Variants in NAV2 observed in about 807,000 individuals in gnomAD.
NAV2 encodes helicase, APC down-regulated 1.
In NAV2, 54 loss-of-function variants were observed where a neutral mutation model predicts 223.2. The ratio of observed to expected loss-of-function variants is 0.24; its 90% confidence interval spans 0.19 to 0.30. The LOEUF is 0.30. Ranked by LOEUF, NAV2 falls within the 10% of genes least tolerant of loss-of-function variation. The probability of loss-of-function intolerance (pLI) is 1.00; values close to 1 mark genes in which losing one functional copy is unlikely to be tolerated. For missense variants in NAV2, 2,806 were observed against 3,147.5 expected, an observed-to-expected ratio of 0.89 and a Z score of 2.60; for synonymous variants, 1,279 against 1,239.3, an observed-to-expected ratio of 1.03 and a Z score of -0.67.
intron 27 of NAV2, among the ~76,000 whole-genome samples, chr11:20,091,232 T>C (rs937199395): frequency 8.5e-5 from 13 of 152,222 alleles, no homozygotes; most frequent in African/African-American, 3.1e-4. Flanking sequence ...CGTAATACTT[T>C]TGGTGACTCC....
intron 3 of NAV2, among the ~76,000 whole-genome samples, chr11:19,863,875 A>G (rs1258580680): frequency 1.3e-5 from 2 of 152,236 alleles, no homozygotes; most frequent in African/African-American, 4.8e-5. Flanking sequence ...CTTGACACCC[A>G]GTAGGTGCTG....
chr11:19,645,939 A>C (rs1188176395), intron 1 of NAV2, among the ~76,000 whole-genome samples: 1 of 152,174 alleles, frequency 6.6e-6, no homozygotes, highest in Non-Finnish European at 1.5e-5. Context: ...ATTCAAAACC[A>C]AGTCTAACTC....
At chr11:20,062,730 T>TGGA (rs1264666371) in intron 20 of NAV2, among the ~76,000 whole-genome samples, 13 of 152,258 alleles carry the variant, frequency 8.5e-5, no homozygotes, top group African/African-American at 3.1e-4. Context: ...AGTCTCCCTC[T>TGGA]GTTGCCCAGG....
intron 1 of NAV2, among the ~76,000 whole-genome samples, chr11:19,733,414 A>G (rs921536740): frequency 5.3e-5 from 8 of 152,344 alleles, no homozygotes; most frequent in African/African-American, 1.9e-4. Context: ...TCTGGAGTCC[A>G]TACCTTACTA....
At chr11:19,834,548 G>A (rs934317057) in intron 2 of NAV2, among the ~76,000 whole-genome samples, 1 of 120,694 alleles carries the variant, frequency 8.3e-6, no homozygotes, top group Non-Finnish European at 1.8e-5. Flanking sequence ...CTCAGAAGAA[G>A]GGGTACCTTT....
intron 2 of NAV2, among the ~76,000 whole-genome samples, chr11:19,834,434 G>A (rs1036188857): frequency 2.6e-5 from 4 of 152,156 alleles, no homozygotes; most frequent in Admixed American, 6.5e-5. Flanking sequence ...AACTTAGTGC[G>A]GGGCCTTGTC....
chr11:19,369,529 T>C (rs1323132646), intron 1 of NAV2, among the ~76,000 whole-genome samples: 3 of 152,294 alleles, frequency 2.0e-5, no homozygotes, highest in South Asian at 4.1e-4. Context: ...GTTTTAATGC[T>C]GTGTGGTTCA....
chr11:19,667,302 A>G (rs2135774874), intron 1 of NAV2, among the ~76,000 whole-genome samples: 1 of 152,356 alleles, frequency 6.6e-6, no homozygotes, highest in African/African-American at 2.4e-5. Flanking sequence ...TTGAAAACTC[A>G]GTAAGGCATG....
chr11:20,000,519 G>C (rs899596806), intron 11 of NAV2, among the ~76,000 whole-genome samples: 1 of 152,144 alleles, frequency 6.6e-6, no homozygotes, highest in African/African-American at 2.4e-5. Flanking sequence ...AGGGTGTCTA[G>C]CTGAGGCAAT....
chr11:19,847,315 G>C (rs2152961451), intron 3 of NAV2, among the ~76,000 whole-genome samples: 2 of 152,310 alleles, frequency 1.3e-5, no homozygotes, highest in Middle Eastern at 6.8e-3. Context: ...GTCTGTTGTT[G>C]ATTAGGAGAA....
intron 1 of NAV2, among the ~76,000 whole-genome samples, chr11:19,775,333 T>C (rs2152626650): frequency 6.6e-6 from 1 of 152,306 alleles, no homozygotes; most frequent in East Asian, 1.9e-4. Flanking sequence ...TGTAGAGATG[T>C]ACATAGAAGG....
chr11:19,511,160 C>T (rs908977584), intron 1 of NAV2: 2 of 152,178 alleles, frequency 1.3e-5, no homozygotes, highest in Non-Finnish European at 2.9e-5. Context: ...TTTTGTCAGT[C>T]TGTGTTGTTG....
intron 1 of NAV2, among the ~76,000 whole-genome samples, chr11:19,533,275 G>A (rs2044083449): frequency 6.6e-6 from 1 of 151,928 alleles, no homozygotes; most frequent in Non-Finnish European, 1.5e-5. Context: ...GGGTATTGTG[G>A]GCTATTTAGC....
intron 1 of NAV2, among the ~76,000 whole-genome samples, chr11:19,593,076 A>G (rs926356128): frequency 3.9e-5 from 6 of 152,140 alleles, no homozygotes; most frequent in African/African-American, 1.2e-4. Context: ...ACCGCAATCA[A>G]GATACAGAAC....
chr11:20,076,729 A>T (rs1356836361), intron 22 of NAV2, among the ~76,000 whole-genome samples: 1 of 152,222 alleles, frequency 6.6e-6, no homozygotes, highest in Non-Finnish European at 1.5e-5. Context: ...CAGTCAGGAA[A>T]ATGCCACATT....
chr11:19,553,428 G>GC (rs1451987263), intron 1 of NAV2, among the ~76,000 whole-genome samples: 1 of 152,180 alleles, frequency 6.6e-6, no homozygotes, highest in African/African-American at 2.4e-5. Flanking sequence ...GCCTACCCCT[G>GC]CTTTAGTTCA....
chr11:19,999,906 A>G (rs1490074201), intron 11 of NAV2, among the ~76,000 whole-genome samples: 1 of 152,180 alleles, frequency 6.6e-6, no homozygotes, highest in Non-Finnish European at 1.5e-5. Context: ...ACAGATAAGG[A>G]AAGTGAGGCA....
chr11:20,101,292 C>T (rs569378294), intron 32 of NAV2, 120 bp downstream of exon 32: 418 of 796,396 alleles, frequency 5.2e-4, no homozygotes, highest in Admixed American at 7.4e-4. Flanking sequence ...TTTTAGAAAG[C>T]CAAGTGAAAG....
At chr11:19,573,268 C>CTACA (rs558241714) in intron 1 of NAV2, among the ~76,000 whole-genome samples, 1 of 152,198 alleles carries the variant, frequency 6.6e-6, no homozygotes, top group South Asian at 2.1e-4. Flanking sequence ...TACCCTGCCC[C>CTACA]TACACTTCAT....
Sources: gnomAD v4.1 joint callset for allele counts (sites outside exome capture counted in the v4.1 genomes callset) on GRCh38, gnomAD v4.1.1 for gene constraint, MANE v1.5 for transcripts, NCBI Gene and HGNC (gene_info 2026-07-23, HGNC 2026-07-21) for gene names.